Variants in PLXNA4 observed in about 807,000 individuals in gnomAD.
PLXNA4 encodes the protein plexin-A4.
In PLXNA4, 44 loss-of-function variants were observed where a neutral mutation model predicts 191.8. The ratio of observed to expected loss-of-function variants is 0.23; its 90% CI spans 0.18 to 0.29. The LOEUF is 0.29. Among genes scored for constraint, PLXNA4 ranks in the 10% least tolerant of loss-of-function variants. The pLI is 1.00. For synonymous variants in PLXNA4, 1,082 were observed against 1,009.5 expected (o/e 1.07, Z -1.36); for missense variants, 1,800 against 2,488.8 (o/e 0.72, Z 5.89).
intron 9 of PLXNA4, among the ~76,000 whole-genome samples, chr7:132,219,924 A>G (rs1417610476): frequency 6.6e-6 from 1 of 152,186 alleles, no homozygotes; most frequent in Non-Finnish European, 1.5e-5. Flanking sequence ...GCTATGCCAT[A>G]TAGCCTAGGT....
chr7:132,538,010 C>T (rs533704661), intron 1 of PLXNA4, among the ~76,000 whole-genome samples: 1 of 152,360 alleles, frequency 6.6e-6, no homozygotes, highest in South Asian at 2.1e-4. Context: ...TCCTGCCCGA[C>T]CCCAAACCTG....
intron 1 of PLXNA4, among the ~76,000 whole-genome samples, chr7:132,545,515 C>T (rs986212938): frequency 2.0e-5 from 3 of 152,194 alleles, no homozygotes; most frequent in Admixed American, 1.3e-4. Context: ...ACTTTCTTGT[C>T]AAATAATCCT....
chr7:132,370,675 T>C (rs1804401489), intron 3 of PLXNA4, among the ~76,000 whole-genome samples: 1 of 152,182 alleles, frequency 6.6e-6, no homozygotes, highest in Non-Finnish European at 1.5e-5. Context: ...ATATCACTAA[T>C]AAATGTCTAT....
At chr7:132,443,117 C>G (rs964747239) in intron 3 of PLXNA4, among the ~76,000 whole-genome samples, 1 of 152,214 alleles carries the variant, frequency 6.6e-6, no homozygotes, top group Non-Finnish European at 1.5e-5. Flanking sequence ...TTTTCCCACT[C>G]CTGTGTCTTC....
chr7:132,276,473 T>G (rs1800285744), intron 4 of PLXNA4, among the ~76,000 whole-genome samples: 17 of 150,224 alleles, frequency 1.1e-4, no homozygotes, highest in South Asian at 2.2e-4. Flanking sequence ...CTTGGCGCCC[T>G]GCCTGTTGTT....
chr7:132,613,455 T>G (rs1803091958), intron 2 of PLXNA4, among the ~76,000 whole-genome samples: 1 of 152,246 alleles, frequency 6.6e-6, no homozygotes, highest in Non-Finnish European at 1.5e-5. Flanking sequence ...GATTTTGGCT[T>G]CTGTGAAGGC....
chr7:132,421,161 C>A lies in PLXNA4; in HGVS notation c.1371+68131G>T, dbSNP rs115476189. 9.3e-3 allele frequency among the ~76,000 whole-genome samples: 1,412 copies of A among 152,282 alleles called. 19 individuals carry two copies. Among genetic ancestry groups the A allele is most frequent in the African/African-American group, 0.033 (1,352 of 41,540 alleles). On this transcript the variant is annotated intron_variant, in intron 3 of 31. Coordinates refer to ENST00000321063, the MANE Select transcript of PLXNA4 (RefSeq NM_020911.2). ...TCTGTCTTTATGAATTTGACTACTCCAGGTACTTTATGTAGGTGGAATCAT... is the reference window on the plus strand; with the variant it reads ...TCTGTCTTTATGAATTTGACTACTCAAGGTACTTTATGTAGGTGGAATCAT...
intron 5 of PLXNA4, among the ~76,000 whole-genome samples, chr7:132,233,932 A>AACC (rs986232480): frequency 6.6e-6 from 1 of 151,840 alleles, no homozygotes; most frequent in African/African-American, 2.4e-5. Context: ...AACCAAACCA[A>AACC]ATTACATGTA....
intron 4 of PLXNA4, among the ~76,000 whole-genome samples, chr7:132,247,367 G>A (rs557507204): frequency 2.6e-5 from 4 of 152,122 alleles, no homozygotes; most frequent in South Asian, 2.1e-4. Context: ...TGTCCAAAAG[G>A]TTTCTTAAGT....
At chr7:132,240,639 T>G (rs1325949319) in intron 5 of PLXNA4, among the ~76,000 whole-genome samples, 1 of 152,210 alleles carries the variant, frequency 6.6e-6, no homozygotes, top group Admixed American at 6.5e-5. Flanking sequence ...GGACAGCATA[T>G]ATCTTGTTTA....
intron 3 of PLXNA4, among the ~76,000 whole-genome samples, chr7:132,390,531 G>A (rs756128140): frequency 6.6e-6 from 1 of 151,948 alleles, no homozygotes; most frequent in African/African-American, 2.4e-5. Context: ...AAACCTGCAC[G>A]TTCTGCATAT....
At chr7:132,240,254 T>C (rs1389772628) in intron 5 of PLXNA4, among the ~76,000 whole-genome samples, 1 of 152,240 alleles carries the variant, frequency 6.6e-6, no homozygotes, top group Non-Finnish European at 1.5e-5. Context: ...CAACCATTCG[T>C]TGGCTTCTCC....
chr7:132,407,389 A>G (rs1250725929), intron 3 of PLXNA4, among the ~76,000 whole-genome samples: 2 of 152,202 alleles, frequency 1.3e-5, no homozygotes, highest in African/African-American at 4.8e-5. Context: ...TAGTGTGAGA[A>G]GTGTGTTTTT....
At position 132,125,041 on chromosome 7, in the gene PLXNA4, A is replaced by T. The variant is rs1794731773; in HGVS notation, c.*5438T>A. The T allele has an allele frequency of 1.3e-5, 2 of 152,124 alleles. No homozygotes were observed. Among genetic ancestry groups the T allele is most frequent in the Non-Finnish European group, 2.9e-5 (2 of 68,016 alleles). 9.4% of individuals were successfully genotyped at this position (152,124 alleles called of 1,614,324 possible). ...GGGGGAGCAAAAATTTGTAGTAAAAAAAAAAAAACTCTCTCTTGCATGTCT... is the reference window on the plus strand; with the variant it reads ...GGGGGAGCAAAAATTTGTAGTAAAATAAAAAAAACTCTCTCTTGCATGTCT... On this transcript the variant is annotated 3_prime_UTR_variant, in exon 32 of 32. Coordinates refer to ENST00000321063, the MANE Select transcript of PLXNA4 (RefSeq NM_020911.2).
At chr7:132,645,611 G>A (rs1803851484) in intron 2 of PLXNA4, among the ~76,000 whole-genome samples, 1 of 152,192 alleles carries the variant, frequency 6.6e-6, no homozygotes, top group Non-Finnish European at 1.5e-5. Context: ...AGCTGTGGCT[G>A]CTATGGCCCA....
At chr7:132,645,742 C>A (rs1803854116) in intron 2 of PLXNA4, among the ~76,000 whole-genome samples, 1 of 152,144 alleles carries the variant, frequency 6.6e-6, no homozygotes, top group Non-Finnish European at 1.5e-5. Flanking sequence ...CTCACAGACA[C>A]AAGTTGGGAA....
chr7:132,468,754 A>C (rs1022385632), intron 3 of PLXNA4, among the ~76,000 whole-genome samples: 2 of 150,584 alleles, frequency 1.3e-5, no homozygotes, highest in Non-Finnish European at 3.0e-5. Context: ...ACACACACAC[A>C]CAATACACAC....
chr7:132,252,304 T>G (rs1248068168), intron 4 of PLXNA4, among the ~76,000 whole-genome samples: 1 of 21,410 alleles, frequency 4.7e-5, no homozygotes, highest in Admixed American at 4.6e-4. Flanking sequence ...TAAAAGTTTT[T>G]TTTTTTTTTT....
intron 3 of PLXNA4, among the ~76,000 whole-genome samples, chr7:132,437,101 C>G (rs1795501563): frequency 6.6e-6 from 1 of 152,168 alleles, no homozygotes; most frequent in African/African-American, 2.4e-5. Context: ...CAGGGAGCAG[C>G]CTTATATTTT....
Sources: allele counts gnomAD v4.1 joint callset (sites outside exome capture counted in the v4.1 genomes callset), GRCh38; gene constraint gnomAD v4.1.1; transcripts MANE v1.5; gene names NCBI Gene and HGNC (gene_info 2026-07-23, HGNC 2026-07-21).